The following ZFAT variants were observed in gnomAD, a reference collection of about 807,000 sequenced individuals.
ZFAT encodes the protein zinc finger protein ZFAT.
In ZFAT, 64 loss-of-function variants were observed where a neutral mutation model predicts 117.7. The observed-to-expected ratio is 0.54, with a 90% CI of 0.44 to 0.67. ZFAT has a LOEUF of 0.67. ZFAT is among the 30% of genes least tolerant of loss of function. The pLI is 0.00. For missense variants in ZFAT, 1,433 were observed against 1,584.5 expected, an observed-to-expected ratio of 0.90 and a Z score of 1.62; for synonymous variants, 679 against 615.0, an observed-to-expected ratio of 1.10 and a Z score of -1.54.
the ZFAT span, among the ~76,000 whole-genome samples, chr8:134,771,205 A>C: frequency 6.6e-6 from 1 of 152,182 alleles, no homozygotes; most frequent in East Asian, 1.9e-4. Context: ...CCGACATGTG[A>C]TGTCTCCCCC....
chr8:134,804,798 G>A, the ZFAT span: 1 of 502,566 alleles, frequency 2.0e-6, no homozygotes, highest in African/African-American at 2.0e-5. Context: ...GATTTCTGAG[G>A]TTTTCCCACA....
the ZFAT span, among the ~76,000 whole-genome samples, chr8:134,728,971 A>G: frequency 6.6e-6 from 1 of 152,052 alleles, no homozygotes; most frequent in African/African-American, 2.4e-5. Flanking sequence ...TTTATTTTCA[A>G]TTTTGAAATT....
At chr8:134,704,828 T>G (rs1347095548) in intron 1 of ZFAT, among the ~76,000 whole-genome samples, 1 of 151,948 alleles carries the variant, frequency 6.6e-6, no homozygotes, top group Non-Finnish European at 1.5e-5. Flanking sequence ...CCATCCCTAC[T>G]TCATACCATA....
chr8:134,570,010 A>C (rs1824775504), intron 10 of ZFAT, among the ~76,000 whole-genome samples: 3 of 152,170 alleles, frequency 2.0e-5, no homozygotes, highest in African/African-American at 7.2e-5. Context: ...CAAGAGCTTC[A>C]CAGTGGCTGC....
intron 1 of ZFAT, among the ~76,000 whole-genome samples, chr8:134,687,653 C>T (rs1404057964): frequency 6.6e-6 from 1 of 152,122 alleles, no homozygotes; most frequent in Non-Finnish European, 1.5e-5. Context: ...GACACGACAG[C>T]TCCCCATTTG....
chr8:134,539,725 C>T (rs957585940), intron 11 of ZFAT, among the ~76,000 whole-genome samples: 1 of 149,990 alleles, frequency 6.7e-6, no homozygotes, highest in East Asian at 1.9e-4. Flanking sequence ...CAGTTATACA[C>T]TGCTGATAGA....
chr8:134,607,177 T>C (rs1266610823), intron 5 of ZFAT, among the ~76,000 whole-genome samples: 6 of 152,218 alleles, frequency 3.9e-5, no homozygotes, highest in Non-Finnish European at 8.8e-5. Flanking sequence ...CCTTGAAATA[T>C]TGTGAAGATA....
At chr8:134,593,810 A>T (rs1826706268) in intron 7 of ZFAT, among the ~76,000 whole-genome samples, 1 of 152,220 alleles carries the variant, frequency 6.6e-6, no homozygotes, top group African/African-American at 2.4e-5. Flanking sequence ...GGACTCACTC[A>T]TTCATTCCTC....
chr8:134,623,707 T>A (rs1005843692), intron 3 of ZFAT, among the ~76,000 whole-genome samples: 4 of 152,106 alleles, frequency 2.6e-5, no homozygotes, highest in Non-Finnish European at 5.9e-5. Context: ...TGCATCAGCC[T>A]CCTCTGTGTC....
intron 3 of ZFAT, among the ~76,000 whole-genome samples, chr8:134,619,576 G>T (rs1828974035): frequency 6.6e-6 from 1 of 152,118 alleles, no homozygotes; most frequent in Non-Finnish European, 1.5e-5. Context: ...AGTTCAGTAA[G>T]GCCTGGCAGG....
At chr8:134,680,766 T>C (rs1248343631) in intron 1 of ZFAT, among the ~76,000 whole-genome samples, 1 of 152,210 alleles carries the variant, frequency 6.6e-6, no homozygotes, top group Non-Finnish European at 1.5e-5. Context: ...GGTTACATAA[T>C]ACTAACGTAC....
the ZFAT span, among the ~76,000 whole-genome samples, chr8:134,748,166 G>A: frequency 1.3e-5 from 2 of 152,148 alleles, no homozygotes; most frequent in Non-Finnish European, 2.9e-5. Flanking sequence ...CCCAGGCCAA[G>A]AAACAGAACA....
the ZFAT span, chr8:134,794,466 C>T: frequency 6.6e-6 from 1 of 152,306 alleles, no homozygotes; most frequent in African/African-American, 2.4e-5. Flanking sequence ...CGCTTCATAC[C>T]TTGTAATGTT....
intron 1 of ZFAT, among the ~76,000 whole-genome samples, chr8:134,665,299 G>A (rs962028757): frequency 1.3e-5 from 2 of 152,182 alleles, no homozygotes; most frequent in African/African-American, 4.8e-5. Context: ...CTACTCTGAG[G>A]GACCCCTCCC....
At chr8:134,550,655 A>G (rs1420950780) in intron 11 of ZFAT, among the ~76,000 whole-genome samples, 2 of 152,220 alleles carry the variant, frequency 1.3e-5, no homozygotes, top group South Asian at 2.1e-4. Context: ...ACACTCTTAG[A>G]CAGGATTTTA....
the ZFAT span, chr8:134,784,581 G>A: frequency 6.6e-6 from 1 of 151,610 alleles, no homozygotes; most frequent in Non-Finnish European, 1.5e-5. Flanking sequence ...AGAAATATTC[G>A]AGTATCATAT....
intron 1 of ZFAT, among the ~76,000 whole-genome samples, chr8:134,674,273 G>A (rs1375035728): frequency 6.6e-6 from 1 of 152,144 alleles, no homozygotes; most frequent in African/African-American, 2.4e-5. Flanking sequence ...TTCACAATCG[G>A]TAGACCAGGA....
At chr8:134,619,676 C>T (rs569252561) in intron 3 of ZFAT, among the ~76,000 whole-genome samples, 1 of 152,210 alleles carries the variant, frequency 6.6e-6, no homozygotes, top group African/African-American at 2.4e-5. Context: ...TCCAACCTCA[C>T]ACAGTGGGAA....
intron 15 of ZFAT, among the ~76,000 whole-genome samples, chr8:134,504,621 G>A (rs973563504): frequency 2.0e-5 from 3 of 152,136 alleles, no homozygotes; most frequent in Non-Finnish European, 2.9e-5. Context: ...TGTTAAAAAC[G>A]CCAACATGAC....
Sources: gnomAD v4.1 joint callset for allele counts (sites outside exome capture counted in the v4.1 genomes callset) on GRCh38, gnomAD v4.1.1 for gene constraint, MANE v1.5 for transcripts, NCBI Gene and HGNC (gene_info 2026-07-23, HGNC 2026-07-21) for gene names.